KDM4C: variants seen among roughly 807,000 people sequenced by gnomAD.
The protein encoded by KDM4C is lysine-specific demethylase 4C.
In KDM4C, 81 loss-of-function variants were observed where a neutral mutation model predicts 129.3. That is an observed-to-expected ratio of 0.63 (90% CI 0.52 to 0.75). The LOEUF is 0.75. Ranked by LOEUF, KDM4C falls within the 30% of genes least tolerant of loss-of-function variation. The pLI, the probability that KDM4C is intolerant of heterozygous loss-of-function variation, is 0.00. For missense variants in KDM4C, 1,457 were observed against 1,304.0 expected, an observed-to-expected ratio of 1.12 and a Z score of -1.81; for synonymous variants, 573 against 456.1, an observed-to-expected ratio of 1.26 and a Z score of -3.26.
intron 1 of KDM4C, among the ~76,000 whole-genome samples, chr9:6,784,942 G>A (rs1356645835): frequency 6.6e-6 from 1 of 152,202 alleles, no homozygotes; most frequent in African/African-American, 2.4e-5. Flanking sequence ...CATTTGAGAA[G>A]GATGAAGTTA....
chr9:7,084,042 G>A (rs373388143), intron 17 of KDM4C, among the ~76,000 whole-genome samples: 1 of 152,134 alleles, frequency 6.6e-6, no homozygotes, highest in East Asian at 1.9e-4. Context: ...AAGGCTCTGG[G>A]TAACCTAGTG....
At chr9:7,147,495 A>G (rs922045901) in intron 19 of KDM4C, among the ~76,000 whole-genome samples, 10 of 152,308 alleles carry the variant, frequency 6.6e-5, no homozygotes, top group Admixed American at 6.5e-4. Flanking sequence ...TTTGCAACAT[A>G]AATTTTTATT....
intron 11 of KDM4C, among the ~76,000 whole-genome samples, chr9:6,989,957 T>A (rs1394796009): frequency 3.3e-5 from 5 of 150,298 alleles, no homozygotes; most frequent in African/African-American, 1.2e-4. Flanking sequence ...TTTTTTTAAA[T>A]TATTGACACA....
At chr9:6,817,205 C>CG (rs1832270613) in intron 4 of KDM4C, among the ~76,000 whole-genome samples, 1 of 141,060 alleles carries the variant, frequency 7.1e-6, no homozygotes, top group Non-Finnish European at 1.5e-5. Context: ...GCCCCCCCCC[C>CG]CACTTTTTTT....
At chr9:6,831,705 A>G (rs1196411833) in intron 4 of KDM4C, among the ~76,000 whole-genome samples, 1 of 152,094 alleles carries the variant, frequency 6.6e-6, no homozygotes, top group African/African-American at 2.4e-5. Context: ...TCATGTCTGA[A>G]TGTCTCATGG....
At chr9:6,998,168 C>T (rs1820108190) in intron 12 of KDM4C, among the ~76,000 whole-genome samples, 1 of 152,212 alleles carries the variant, frequency 6.6e-6, no homozygotes, top group African/African-American at 2.4e-5. Context: ...TGATCCCTAT[C>T]TCTGTAATGT....
At chr9:6,912,584 A>G (rs1819530405) in intron 8 of KDM4C, among the ~76,000 whole-genome samples, 1 of 152,208 alleles carries the variant, frequency 6.6e-6, no homozygotes, top group African/African-American at 2.4e-5. Context: ...CCCATGTACA[A>G]ATTGTTCATT....
At chr9:7,058,077 C>G (rs949065930) in intron 17 of KDM4C, among the ~76,000 whole-genome samples, 1 of 152,150 alleles carries the variant, frequency 6.6e-6, no homozygotes, top group Non-Finnish European at 1.5e-5. Flanking sequence ...GGCTTTTTCT[C>G]CACCTTCTTG....
At chr9:7,048,272 C>T (rs1829689342) in intron 16 of KDM4C, among the ~76,000 whole-genome samples, 1 of 151,968 alleles carries the variant, frequency 6.6e-6, no homozygotes, top group African/African-American at 2.4e-5. Flanking sequence ...TGGAAGAATG[C>T]CCTGGTGGGA....
intron 8 of KDM4C, among the ~76,000 whole-genome samples, chr9:6,920,808 A>G (rs1821366467): frequency 6.6e-6 from 1 of 152,104 alleles, no homozygotes; most frequent in African/African-American, 2.4e-5. Flanking sequence ...TTAGGCAGGT[A>G]AAGGAACTAC....
At chr9:6,944,838 AT>A (rs1396031697) in intron 8 of KDM4C, among the ~76,000 whole-genome samples, 1 of 151,942 alleles carries the variant, frequency 6.6e-6, no homozygotes, top group African/African-American at 2.4e-5. Context: ...CAATTGTATG[AT>A]CTGGTATCTT....
intron 8 of KDM4C, among the ~76,000 whole-genome samples, chr9:6,928,604 T>A (rs1385092687): frequency 6.6e-6 from 1 of 152,128 alleles, no homozygotes; most frequent in African/African-American, 2.4e-5. Context: ...GTCCTCTTTT[T>A]TTTTTTTAAT....
At chr9:7,100,573 C>T (rs965017641) in intron 17 of KDM4C, among the ~76,000 whole-genome samples, 4 of 152,136 alleles carry the variant, frequency 2.6e-5, no homozygotes, top group Admixed American at 6.5e-5. Flanking sequence ...CTCCTGACCT[C>T]AGGTGATCCA....
chr9:6,976,952 C>G (rs1011010654), intron 8 of KDM4C, among the ~76,000 whole-genome samples: 3 of 152,030 alleles, frequency 2.0e-5, no homozygotes, highest in Admixed American at 1.3e-4. Context: ...CAGGCATCAC[C>G]AGAAGACAAC....
intron 19 of KDM4C, among the ~76,000 whole-genome samples, chr9:7,153,795 A>G (rs1174149675): frequency 6.6e-6 from 1 of 152,222 alleles, no homozygotes; most frequent in African/African-American, 2.4e-5. Context: ...ATGCAGAAGA[A>G]CAAAGGTCAG....
At chr9:6,986,105 A>G (rs1017379638) in intron 10 of KDM4C, among the ~76,000 whole-genome samples, 1 of 152,222 alleles carries the variant, frequency 6.6e-6, no homozygotes, top group Non-Finnish European at 1.5e-5. Flanking sequence ...TTCTTTGCAC[A>G]TTGATCTCCA....
chr9:7,174,941 C>T lies in KDM4C; in HGVS notation c.*212C>T. ...CAATCTGAAATCATCTCTAGTCTTG[C>T]TTTCACTTGTGAGCAGTTGTCTTCT... On this transcript the variant is annotated 3_prime_UTR_variant, in exon 22 of 22. Coordinates refer to ENST00000381309, the MANE Select transcript of KDM4C (RefSeq NM_015061.6). 1 of 464,310 alleles carries T rather than the reference C, an allele frequency of 2.2e-6. No individual in the cohort carries two copies. The highest frequency in any genetic ancestry group is 3.1e-5 in the East Asian group (1 of 32,622). 28.8% of individuals were successfully genotyped at this position (464,310 alleles called of 1,614,324 possible).
At chr9:6,733,722 A>C (rs936249339) in intron 1 of KDM4C, among the ~76,000 whole-genome samples, 3 of 152,198 alleles carry the variant, frequency 2.0e-5, no homozygotes, top group Admixed American at 6.5e-5. Context: ...AAAGTAAAGG[A>C]ATAAAAGAAT....
chr9:6,856,747 ATTTTTTTTTT>A (rs781673639), intron 5 of KDM4C, among the ~76,000 whole-genome samples: 3 of 104,302 alleles, frequency 2.9e-5, no homozygotes, highest in Non-Finnish European at 3.8e-5. Context: ...TAATTTTTGT[ATTTTTTTTTT>A]TTTTTTTTTT....
Sources: gnomAD v4.1 joint callset for allele counts (sites outside exome capture counted in the v4.1 genomes callset) on GRCh38, gnomAD v4.1.1 for gene constraint, MANE v1.5 for transcripts, NCBI Gene and HGNC (gene_info 2026-07-23, HGNC 2026-07-21) for gene names.